The following CCT5 variants were observed in gnomAD, a reference collection of about 807,000 sequenced individuals.
CCT5 encodes the protein T-complex protein 1 subunit epsilon.
A neutral mutation model predicts 55.0 loss-of-function variants in CCT5; 6 were observed. The observed-to-expected ratio is 0.11, with a 90% CI of 0.06 to 0.22. The LOEUF is 0.22. CCT5 is among the 10% of genes least tolerant of loss of function. CCT5 has a pLI of 1.00. For missense variants in CCT5, 560 were observed against 694.6 expected, an observed-to-expected ratio of 0.81 and a Z score of 2.18; for synonymous variants, 231 against 243.7, an observed-to-expected ratio of 0.95 and a Z score of 0.49.
intron 1 of CCT5, among the ~76,000 whole-genome samples, chr5:10,251,883 T>C (rs1284378412): frequency 6.6e-6 from 1 of 152,252 alleles, no homozygotes; most frequent in Non-Finnish European, 1.5e-5. Flanking sequence ...TAGGTTGTTT[T>C]GCATCAGCCA....
At chr5:10,261,070 C>A (rs1408620428) in intron 7 of CCT5, 159 bp downstream of exon 7, 2 of 792,870 alleles carry the variant, frequency 2.5e-6, no homozygotes, top group Non-Finnish European at 4.5e-6. Context: ...ATCTTTGTTA[C>A]TGTTTGGATA....
At chr5:10,258,810 G>A (rs1191681275) in intron 6 of CCT5, among the ~76,000 whole-genome samples, 1 of 152,168 alleles carries the variant, frequency 6.6e-6, no homozygotes, top group Non-Finnish European at 1.5e-5. Flanking sequence ...TGACTAACAC[G>A]GTGAAACGCC....
Position 10,264,664 on chromosome 5 carries a change from C to A in CCT5, c.1507C>A (p.Gln503Lys). ...CLHKGTNDMKQQHVIETLIGK... is the reference protein window; with the variant it reads ...CLHKGTNDMKKQHVIETLIGK... Reference sequence around the variant, plus strand: ...GTCCTTGTATTTTTCAGATATGAAGCAACAGCATGTCATAGAAACCTTGAT... The same window carrying A: ...GTCCTTGTATTTTTCAGATATGAAGAAACAGCATGTCATAGAAACCTTGAT... The change falls in exon 11 of 11, where the codon CAA (glutamine) becomes AAA (lysine). Residue 503 changes from glutamine to lysine, a missense_variant. Around this residue, in one of 4 missense-constraint regions of CCT5, gnomAD observed 115 missense variants for 105.0 expected, o/e 1.10. Transcript: ENST00000280326. The A allele has an allele frequency of 6.2e-7, 1 of 1,608,420 alleles. No individual in the cohort carries two copies. The highest frequency in any genetic ancestry group is 8.5e-7 in the Non-Finnish European group (1 of 1,174,932).
chr5:10,265,650 C>G lies in CCT5; in HGVS notation c.*867C>G, dbSNP rs939567823. 2 of 152,088 alleles carry G rather than the reference C, an allele frequency of 1.3e-5. No homozygotes were observed. The highest frequency in any genetic ancestry group is 2.9e-5 in the Non-Finnish European group (2 of 68,040). The allele number at this position is 152,088 out of a possible 1,614,324, so 9.4% of individuals were successfully genotyped here. ...CTGACAACCCAGTGAGGCAGATACA[C>G]TTTCTTACTGCTCACATCTTACAGG... On this transcript the variant is annotated 3_prime_UTR_variant, in exon 11 of 11. Coordinates refer to ENST00000280326, the MANE Select transcript of CCT5 (RefSeq NM_012073.5).
At position 10,250,572 on chromosome 5, in the gene CCT5, C is replaced by A; in HGVS notation, c.105+127C>A. 2.7e-6 allele frequency: 4 copies of A among 1,505,408 alleles called. No homozygotes were observed. In the South Asian group the frequency reaches 5.0e-5, roughly 19 times the overall value. The allele number at this position is 1,505,408 out of a possible 1,614,324, so 93.3% of individuals were successfully genotyped here. On this transcript the variant is annotated intron_variant, in intron 1 of 10. Coordinates refer to ENST00000280326, the MANE Select transcript of CCT5 (RefSeq NM_012073.5). Reference sequence around the variant, plus strand: ...CGGAAAGGTCGAGAATCTCCGTCTCCCTGCGGTCTCCGGCCGCTCAGCCCG... The same window carrying A: ...CGGAAAGGTCGAGAATCTCCGTCTCACTGCGGTCTCCGGCCGCTCAGCCCG...
chr5:10,253,261 G>A (rs1015259793), intron 1 of CCT5, among the ~76,000 whole-genome samples: 37 of 151,998 alleles, frequency 2.4e-4, no homozygotes, highest in African/African-American at 7.0e-4. Flanking sequence ...CCCGGGAGGC[G>A]GAGGTTGCAG....
At chr5:10,257,876 G>A (rs776433154) in intron 4 of CCT5, 18 of 568,108 alleles carry the variant, frequency 3.2e-5, no homozygotes, top group African/African-American at 1.7e-4. Flanking sequence ...CAGAGTTAGC[G>A]AAAATAAAGA....
Position 10,262,658 on chromosome 5 carries a change from C to T in CCT5, c.1317+40C>T, listed in dbSNP as rs10474867. On this transcript the variant is annotated intron_variant, in intron 9 of 10. Coordinates refer to ENST00000280326, the MANE Select transcript of CCT5 (RefSeq NM_012073.5). ...CAGACTTAGTGAAAGATTCAGGCCTCGCTGATGGTGGAGACTGTGAAGCTG... is the reference window on the plus strand; with the variant it reads ...CAGACTTAGTGAAAGATTCAGGCCTTGCTGATGGTGGAGACTGTGAAGCTG... 7.6e-3 allele frequency: 12,233 copies of T among 1,609,256 alleles called. 857 individuals carry two copies. The African/African-American group carries it at 0.15, about 19-fold the overall frequency.
At chr5:10,250,825 G>A in intron 1 of CCT5, 2 of 1,098,410 alleles carry the variant, frequency 1.8e-6, no homozygotes, top group Non-Finnish European at 2.2e-6. Flanking sequence ...TGTCGGTTAA[G>A]GCGCTGCTGC....
In CCT5 at chr5:10,250,679, C is replaced by T. The variant is rs1018743543; in HGVS notation, c.105+234C>T. The T allele has an allele frequency of 5.0e-6, 7 of 1,400,196 alleles. No homozygotes were observed. The African/African-American group carries it at 5.8e-5, about 12-fold the overall frequency. The allele number at this position is 1,400,196 out of a possible 1,614,324, so 86.7% of individuals were successfully genotyped here. ...GCCAGGCTGGGCCGCCAGCGCCCTT[C>T]GGAGCTGGGTGGGGCCGCTCAGTCC... On this transcript the variant is annotated intron_variant, in intron 1 of 10. Coordinates refer to ENST00000280326, the MANE Select transcript of CCT5 (RefSeq NM_012073.5).
At chr5:10,257,783 G>T in intron 4 of CCT5, 1 of 379,980 alleles carries the variant, frequency 2.6e-6, no homozygotes, top group East Asian at 6.2e-5. Flanking sequence ...CTGTAAAAGT[G>T]CTGCATTCTA....
upstream of CCT5, chr5:10,250,083 G>C (rs1265066426): frequency 4.6e-6 from 7 of 1,538,038 alleles, no homozygotes; most frequent in East Asian, 4.9e-5. Flanking sequence ...ATCTGCTCTT[G>C]ACTTGTGTGT....
rs780904848 is a variant in CCT5 at position 10,254,760 on chromosome 5, C to G, written c.253C>G (p.His85Asp). Reference protein sequence around the residue: ...ATILSMMDVDHQIAKLMVELS... With the variant: ...ATILSMMDVDDQIAKLMVELS... ...CATCTTAAGCATGATGGATGTTGATCATCAGATTGCCAAGCTGATGGTGGA... is the reference window on the plus strand; with the variant it reads ...CATCTTAAGCATGATGGATGTTGATGATCAGATTGCCAAGCTGATGGTGGA... Residue 85 changes from histidine (H) to aspartate (D), a missense_variant, in exon 3 of 11, where the codon CAT becomes GAT. Around this residue, in one of 4 missense-constraint regions of CCT5, gnomAD observed 137 missense variants for 181.9 expected, o/e 0.75. Coordinates refer to ENST00000280326, the MANE Select transcript of CCT5 (RefSeq NM_012073.5). The G allele has an allele frequency of 6.2e-7, 1 of 1,613,634 alleles. No homozygotes were observed. Among genetic ancestry groups the G allele is most frequent in the East Asian group, 2.2e-5 (1 of 44,878 alleles).
chr5:10,250,546 C>T (rs563637431), intron 1 of CCT5, 101 bp downstream of exon 1: 5 of 1,544,092 alleles, frequency 3.2e-6, no homozygotes, highest in East Asian at 4.8e-5. Context: ...CATGTGCTCC[C>T]CGGAAAGGTC....
At chr5:10,256,684 C>T (rs1038838526) in intron 4 of CCT5, among the ~76,000 whole-genome samples, 8 of 69,824 alleles carry the variant, frequency 1.1e-4, no homozygotes, top group Non-Finnish European at 2.0e-4. Context: ...GAGACCCTGT[C>T]TCAAAAAAAA....
intron 9 of CCT5, 112 bp from the exon 10 acceptor site, chr5:10,263,022 C>T (rs74569181): frequency 1.1e-6 from 1 of 881,906 alleles, no homozygotes; most frequent in East Asian, 2.4e-5. Flanking sequence ...CCTGTTCTTA[C>T]AATTCTTTGT....
chr5:10,263,361 T>G (rs1746072390), intron 10 of CCT5, 47 bp downstream of exon 10: 2 of 1,525,096 alleles, frequency 1.3e-6, no homozygotes, highest in Non-Finnish European at 1.8e-6. Flanking sequence ...GATGTCTGAT[T>G]TAAACTGAAT....
In CCT5 at chr5:10,258,301, A is replaced by C. The variant is rs759287448; in HGVS notation, c.721A>C (p.Lys241Gln). Reference sequence around the variant, plus strand: ...GGATTTCAGTCACCCACAGATGCCAAAAGTGAGCCATTGCATCTCACAGCT... The same window carrying C: ...GGATTTCAGTCACCCACAGATGCCACAAGTGAGCCATTGCATCTCACAGCT... ...DKDFSHPQMP[K>Q]KVEDAKIAIL... Residue 241 changes from lysine (K) to glutamine (Q), a missense_variant and splice_region_variant, in exon 5 of 11, where the codon AAA becomes CAA. By Grantham distance (53) the Lys-to-Gln change is moderately conservative. Around this residue, in one of 4 missense-constraint regions of CCT5, gnomAD observed 256 missense variants for 372.4 expected, o/e 0.69. Transcript: ENST00000280326. The C allele has an allele frequency of 2.5e-6, 4 of 1,614,244 alleles. No homozygotes were observed. Among genetic ancestry groups the C allele is most frequent in the Non-Finnish European group, 3.4e-6 (4 of 1,180,042 alleles).
chr5:10,254,288 AG>A, intron 2 of CCT5, 83 bp downstream of exon 2: 2 of 997,178 alleles, frequency 2.0e-6, no homozygotes, highest in Non-Finnish European at 3.2e-6. Flanking sequence ...AGAAAGGTGG[AG>A]TATTGAGGGG....
Sources: gnomAD v4.1 joint callset for allele counts (sites outside exome capture counted in the v4.1 genomes callset) on GRCh38, gnomAD v4.1.1 for gene constraint, gnomAD v4.1.1 regional missense constraint, MANE v1.5 for transcripts, NCBI Gene and HGNC (gene_info 2026-07-23, HGNC 2026-07-21) for gene names.